NF1: variants seen among roughly 807,000 people sequenced by gnomAD.
NF1 encodes neurofibromin.
A neutral mutation model predicts 325.7 loss-of-function variants in NF1; 122 were observed. The ratio of observed to expected loss-of-function variants is 0.37; its 90% CI spans 0.32 to 0.44. The LOEUF (loss-of-function observed/expected upper bound fraction) is 0.44. Among genes scored for constraint, NF1 ranks in the 20% least tolerant of loss-of-function variants. The probability of loss-of-function intolerance (pLI) is 1.00; values close to 1 mark genes in which losing one functional copy is unlikely to be tolerated. For missense variants in NF1, 2,140 were observed against 3,415.4 expected (o/e 0.63, Z 9.31); for synonymous variants, 1,091 against 1,186.0 (o/e 0.92, Z 1.65).
intron 13 of NF1, 127 bp from the exon 14 acceptor site, chr17:31,218,878 T>G: frequency 1.0e-6 from 1 of 986,124 alleles, no homozygotes; most frequent in African/African-American, 1.6e-5. Context: ...AGCCTAGTTC[T>G]AGAACATTGT....
In NF1 at chr17:31,326,198, G is replaced by C. The variant is rs2151538922; in HGVS notation, c.5214G>C (p.Lys1738Asn). Residue 1738 changes from lysine to asparagine, a missense_variant, in exon 37 of 58, where the codon AAG becomes AAC. Lys to Asn is a moderately conservative substitution (Grantham distance 94). This residue lies in a region of NF1 where 147 missense variants were observed against 186.7 expected (regional missense o/e 0.79). Coordinates refer to ENST00000358273, the MANE Select transcript of NF1 (RefSeq NM_001042492.3). ...CCTTGGCTTTAGAAGAGGACCTGAA[G>C]GTATTCCACAATGCTCTCAAGCTAG... ...AATLALEEDLKVFHNALKLAH... is the reference protein window; with the variant it reads ...AATLALEEDLNVFHNALKLAH... 6.2e-7 allele frequency: 1 copy of C among 1,613,202 alleles called. No homozygotes were observed. Among genetic ancestry groups the C allele is most frequent in the Non-Finnish European group, 8.5e-7 (1 of 1,179,938 alleles).
chr17:31,249,083 C>T lies in NF1; in HGVS notation c.4074C>T (p.Pro1358=), dbSNP rs757398594. Residue 1358 remains proline (P), a synonymous_variant, in exon 30 of 58, where the codon CCC becomes CCT. Transcript: ENST00000358273. ...TCATCAGTTCCTCCTCAGAATTCCC[C>T]CCTCAACTTCGAAGTGTGTGCCACT... ...HAIISSSSEF[P]PQLRSVCHCL... 6.2e-7 allele frequency: 1 copy of T among 1,614,068 alleles called. No homozygotes were observed. Among genetic ancestry groups the T allele is most frequent in the South Asian group, 1.1e-5 (1 of 91,078 alleles).
chr17:31,214,471 A>G lies in NF1; in HGVS notation c.1413A>G (p.Lys471=), dbSNP rs1309932338. The change falls in exon 13 of 58, where the codon AAA becomes AAG. Residue 471 remains lysine, a synonymous_variant. Coordinates refer to ENST00000358273, the MANE Select transcript of NF1 (RefSeq NM_001042492.3). ...TTTAGAGTCTTACATTTAAAGAAAA[A>G]GTAACAAGCCTTAAATTTAAAGAAA... The part of the protein sequence containing the change: ...RMAPSLTFKE[K]VTSLKFKEKP... The G allele has an allele frequency of 1.9e-6, 3 of 1,602,084 alleles. No individual in the cohort carries two copies. In the African/African-American group the frequency reaches 4.0e-5, roughly 21 times the overall value.
intron 36 of NF1, chr17:31,295,101 C>A: frequency 6.2e-7 from 1 of 1,614,130 alleles, no homozygotes; most frequent in Non-Finnish European, 8.5e-7. Flanking sequence ...GGAGTCTTTA[C>A]ATTTGTGGTT....
In NF1 at chr17:31,232,856, A is replaced by G. The variant is rs2151434819; in HGVS notation, c.3471A>G (p.Val1157=). ...TGTCAAACTTACTCAATGCCAACGTAGACAGTGGTCTCATGCACTCCATAG... is the reference window on the plus strand; with the variant it reads ...TGTCAAACTTACTCAATGCCAACGTGGACAGTGGTCTCATGCACTCCATAG... ...LAMSNLLNAN[V]DSGLMHSIGL... is the part of the protein sequence containing the mutation. The change falls in exon 26 of 58, where the codon GTA becomes GTG. Residue 1157 remains valine (V), a synonymous_variant. Transcript: ENST00000358273. 2 of 1,614,192 alleles carry G rather than the reference A, an allele frequency of 1.2e-6. No individual in the cohort carries two copies. Among genetic ancestry groups the G allele is most frequent in the Non-Finnish European group, 1.7e-6 (2 of 1,180,018 alleles).
intron 24 of NF1, among the ~76,000 whole-genome samples, chr17:31,231,577 A>C (rs1364404764): frequency 6.6e-6 from 1 of 152,204 alleles, no homozygotes; most frequent in Non-Finnish European, 1.5e-5. Context: ...CATATAAACT[A>C]TACACATCCT....
chr17:31,169,351 G>A (rs1462848765), intron 4 of NF1, among the ~76,000 whole-genome samples: 2 of 152,074 alleles, frequency 1.3e-5, no homozygotes, highest in African/African-American at 4.8e-5. Context: ...CAATCTTAAG[G>A]ATAAGGATGC....
rs1181782378 is a variant in NF1 at position 31,230,391 on chromosome 17, T to C, written c.3113+9T>C. 9.9e-6 allele frequency: 16 copies of C among 1,613,192 alleles called. No individual in the cohort carries two copies. The highest frequency in any genetic ancestry group is 1.4e-5 in the Non-Finnish European group (16 of 1,179,466). ...CAAGAGATGAAATTTAGGTGAGTTC[T>C]CAAAAGAGCAATGTAGGGTCTTGTA... On this transcript the variant is annotated intron_variant, in intron 23 of 57. Transcript: ENST00000358273.
intron 30 of NF1, among the ~76,000 whole-genome samples, chr17:31,249,425 TG>T: frequency 6.6e-6 from 1 of 152,330 alleles, no homozygotes; most frequent in African/African-American, 2.4e-5. Context: ...TATGGATTTT[TG>T]TTGTTGTCAT....
At chr17:31,136,030 C>A (rs973079771) in intron 1 of NF1, among the ~76,000 whole-genome samples, 1 of 152,004 alleles carries the variant, frequency 6.6e-6, no homozygotes, top group African/African-American at 2.4e-5. Context: ...CTCTTACTTT[C>A]CTTTCTTTGA....
At chr17:31,110,572 T>C (rs943824520) in intron 1 of NF1, among the ~76,000 whole-genome samples, 12 of 152,296 alleles carry the variant, frequency 7.9e-5, no homozygotes, top group Non-Finnish European at 1.5e-4. Flanking sequence ...ATCATACTAT[T>C]AACTATTCTA....
intron 1 of NF1, among the ~76,000 whole-genome samples, chr17:31,149,289 C>T (rs56163357): frequency 0.51 from 74,798 of 145,268 alleles, 21,543 homozygotes; most frequent in Middle Eastern, 0.73. Context: ...CACACACACA[C>T]ATACACACAC....
At chr17:31,327,404 GT>G in intron 37 of NF1, 94 bp from the exon 38 acceptor site, 1 of 856,292 alleles carries the variant, frequency 1.2e-6, no homozygotes, top group Non-Finnish European at 1.9e-6. Context: ...ATGGCATAGT[GT>G]TTTGTTTGGT....
At chr17:31,183,458 A>G (rs1208353405) in intron 8 of NF1, 1 of 152,288 alleles carries the variant, frequency 6.6e-6, no homozygotes, top group African/African-American at 2.4e-5. Context: ...GGGTAAATAA[A>G]TGAACCAGGT....
At chr17:31,356,623 T>TGG in intron 52 of NF1, 41 bp downstream of exon 52, 2 of 1,611,474 alleles carry the variant, frequency 1.2e-6, no homozygotes, top group African/African-American at 2.7e-5. Flanking sequence ...GAAAATAAGG[T>TGG]GGGAGAGTAC....
At chr17:31,307,153 C>T (rs1249103111) in intron 36 of NF1, among the ~76,000 whole-genome samples, 1 of 152,060 alleles carries the variant, frequency 6.6e-6, no homozygotes, top group Non-Finnish European at 1.5e-5. Context: ...CTCCAAGTAG[C>T]TGGGATTACA....
intron 17 of NF1, 38 bp downstream of exon 17, chr17:31,225,288 T>G: frequency 6.2e-7 from 1 of 1,606,922 alleles, no homozygotes; most frequent in Non-Finnish European, 8.5e-7. Flanking sequence ...TCATTTTATG[T>G]GCTCTGTTTG....
In NF1 at chr17:31,131,133, T is replaced by G. The variant is rs183763920; in HGVS notation, c.61-24850T>G. On this transcript the variant is annotated intron_variant, in intron 1 of 57. Transcript: ENST00000358273. ...GTTCCTCTAGGGCTAAAGTCTCCTA[T>G]GGGAGCAAGTCGAGCCTTGGGGGAT... 2.5e-3 allele frequency among the ~76,000 whole-genome samples: 379 copies of G among 152,314 alleles called. 1 individual carries two copies. Among genetic ancestry groups the G allele is most frequent in the African/African-American group, 8.7e-3 (360 of 41,562 alleles).
intron 46 of NF1, chr17:31,340,288 T>C: frequency 1.7e-6 from 1 of 582,820 alleles, no homozygotes; most frequent in African/African-American, 1.9e-5. Flanking sequence ...CAGGGAGAAG[T>C]CAAAGGAGGT....
Sources: gnomAD v4.1 joint callset for allele counts (sites outside exome capture counted in the v4.1 genomes callset) on GRCh38, gnomAD v4.1.1 for gene constraint, gnomAD v4.1.1 regional missense constraint, MANE v1.5 for transcripts, NCBI Gene and HGNC (gene_info 2026-07-23, HGNC 2026-07-21) for gene names.